The following RXRA variants were observed in gnomAD, a reference collection of about 807,000 sequenced individuals.
The protein encoded by RXRA is retinoic acid receptor RXR-alpha.
Under a neutral mutation model 44.5 loss-of-function variants are expected in RXRA, and 5 were observed. The ratio of observed to expected loss-of-function variants is 0.11; its 90% CI spans 0.06 to 0.24. RXRA has a LOEUF of 0.24. RXRA is among the 10% of genes least tolerant of loss of function. RXRA has a pLI of 1.00. For synonymous variants in RXRA, 291 were observed against 271.4 expected, an observed-to-expected ratio of 1.07 and a Z score of -0.71; for missense variants, 412 against 646.5, an observed-to-expected ratio of 0.64 and a Z score of 3.93.
At chr9:134,427,454 C>G (rs959641221) in intron 6 of RXRA, among the ~76,000 whole-genome samples, 2 of 152,220 alleles carry the variant, frequency 1.3e-5, no homozygotes, top group African/African-American at 4.8e-5. Flanking sequence ...TCAGACCGCC[C>G]GTGGTGCCGT....
At chr9:134,335,046 T>C (rs1170298531) in intron 1 of RXRA, among the ~76,000 whole-genome samples, 1 of 152,156 alleles carries the variant, frequency 6.6e-6, no homozygotes, top group Non-Finnish European at 1.5e-5. Context: ...CCTTCTCTCT[T>C]TGGGCACTGA....
chr9:134,330,772 G>C (rs782135400), intron 1 of RXRA, among the ~76,000 whole-genome samples: 2 of 152,210 alleles, frequency 1.3e-5, no homozygotes, highest in Non-Finnish European at 2.9e-5. Context: ...TTCTGTCCTC[G>C]CTGCCTGCCT....
chr9:134,407,518 G>A lies in RXRA; in HGVS notation c.280-631G>A, dbSNP rs560762774. ...GTGAGTTTCCCACGCTTGCCCGGGC[G>A]GCAGCGTGCGGGCCGGCGGGTGGGG... On this transcript the variant is annotated intron_variant, in intron 2 of 9. Coordinates refer to ENST00000481739, the MANE Select transcript of RXRA (RefSeq NM_002957.6). The surrounding 1 kb of genome is among the most constrained non-coding windows in gnomAD (Gnocchi z 4.8). Among the ~76,000 whole-genome samples, 48 of 152,352 alleles carry A rather than the reference G, an allele frequency of 3.2e-4. No homozygotes were observed. The highest frequency in any genetic ancestry group is 4.4e-4 in the Non-Finnish European group (30 of 68,026).
intron 1 of RXRA, among the ~76,000 whole-genome samples, chr9:134,384,541 G>A (rs1830691314): frequency 6.6e-6 from 1 of 152,188 alleles, no homozygotes; most frequent in Admixed American, 6.5e-5. Context: ...GTGAGACCCA[G>A]GAGGGAAGGG....
chr9:134,366,765 G>T lies in RXRA; in HGVS notation c.29-34867G>T, dbSNP rs1305641103. On this transcript the variant is annotated intron_variant, in intron 1 of 9. Coordinates refer to ENST00000481739, the MANE Select transcript of RXRA (RefSeq NM_002957.6). The surrounding 1 kb of genome is among the most constrained non-coding windows in gnomAD (Gnocchi z 5.9). Reference sequence around the variant, plus strand: ...GACTCTCCACGGAAAAGGAAGCCTGGCACCCCCCATGTTTCACGTAGGCCA... The same window carrying T: ...GACTCTCCACGGAAAAGGAAGCCTGTCACCCCCCATGTTTCACGTAGGCCA... 2.6e-5 allele frequency among the ~76,000 whole-genome samples: 4 copies of T among 152,176 alleles called. No individual in the cohort carries two copies. Among genetic ancestry groups the T allele is most frequent in the Non-Finnish European group, 5.9e-5 (4 of 68,024 alleles).
At position 134,379,683 on chromosome 9, in the gene RXRA, C is replaced by T. The variant is rs1830612483; in HGVS notation, c.29-21949C>T. On this transcript the variant is annotated intron_variant, in intron 1 of 9. Transcript: ENST00000481739. Reference sequence around the variant, plus strand: ...CGGTCCTGGGAGGTAGCAGGACAGCCCCAGTATGCGGATGAGAAAACCTGA... The same window carrying T: ...CGGTCCTGGGAGGTAGCAGGACAGCTCCAGTATGCGGATGAGAAAACCTGA... The T allele has an allele frequency of 5.1e-6, 5 of 985,324 alleles. No homozygotes were observed. The African/African-American group carries it at 5.2e-5, about 10-fold the overall frequency. 61.0% of individuals were successfully genotyped at this position (985,324 alleles called of 1,614,324 possible). A position where few individuals can be genotyped will look rare whatever the true frequency, so the allele number is the denominator to read the frequency against.
rs1359646739 is a variant in RXRA at position 134,366,948 on chromosome 9, G to C, written c.29-34684G>C. Among the ~76,000 whole-genome samples the C allele has an allele frequency of 1.3e-5, 2 of 152,066 alleles. No individual in the cohort carries two copies. The highest frequency in any genetic ancestry group is 4.8e-5 in the African/African-American group (2 of 41,394). On this transcript the variant is annotated intron_variant, in intron 1 of 9. Transcript: ENST00000481739. This position sits in a 1 kb window ranked among gnomAD's most constrained non-coding sequence, Gnocchi z 5.9. ...CTGGGAGAAGGGGCTGGTGGTTCCCGGGCCTGCACATCCCCACCCCTGCCC... is the reference window on the plus strand; with the variant it reads ...CTGGGAGAAGGGGCTGGTGGTTCCCCGGCCTGCACATCCCCACCCCTGCCC...
At chr9:134,422,348 C>G (rs756822280) in intron 6 of RXRA, 1 of 1,276,922 alleles carries the variant, frequency 7.8e-7, no homozygotes, top group East Asian at 5.8e-5. Context: ...TACCCCCTCC[C>G]GGGACACACT....
At position 134,434,106 on chromosome 9, in the gene RXRA, C is replaced by T. The variant is rs1455167018; in HGVS notation, c.1140C>T (p.Ser380=). Residue 380 remains serine (S), a synonymous_variant, in exon 9 of 10, where the codon TCC becomes TCT. Coordinates refer to ENST00000481739, the MANE Select transcript of RXRA (RefSeq NM_002957.6). ...LRAIVLFNPD[S]KGLSNPAEVE... ...CCTGTGGCTTCTTCCTTTCAGACTC[C>T]AAGGGGCTCTCGAACCCGGCCGAGG... 1 of 1,613,194 alleles carries T rather than the reference C, an allele frequency of 6.2e-7. No homozygotes were observed.
chr9:134,437,025 T>A lies in RXRA; in HGVS notation c.*411T>A, dbSNP rs529703108. Reference sequence around the variant, plus strand: ...GATGCTGGTTTTCAGAATTCCTGTGTGGCCCTCCTGTCTGGAGTGACATCT... The same window carrying A: ...GATGCTGGTTTTCAGAATTCCTGTGAGGCCCTCCTGTCTGGAGTGACATCT... On this transcript the variant is annotated 3_prime_UTR_variant, in exon 10 of 10. Coordinates refer to ENST00000481739, the MANE Select transcript of RXRA (RefSeq NM_002957.6). 31 of 206,056 alleles carry A rather than the reference T, an allele frequency of 1.5e-4. 2 individuals are homozygous for A. The South Asian group carries it at 2.1e-3, about 14-fold the overall frequency. The allele number at this position is 206,056 out of a possible 1,614,324, so 12.8% of individuals were successfully genotyped here. A position where few individuals can be genotyped will look rare whatever the true frequency, so the allele number is the denominator to read the frequency against.
intron 6 of RXRA, chr9:134,424,666 G>C (rs1234446477): frequency 2.5e-5 from 25 of 985,334 alleles, no homozygotes; most frequent in Middle Eastern, 5.2e-4. Context: ...TGAAGCACAC[G>C]TCCAATTCAG....
chr9:134,330,002 C>T (rs1289124734), intron 1 of RXRA, among the ~76,000 whole-genome samples: 11 of 152,112 alleles, frequency 7.2e-5, no homozygotes, highest in African/African-American at 2.4e-4. Context: ...GGTGTGGGGG[C>T]GGGGTGAAAG....
intron 1 of RXRA, among the ~76,000 whole-genome samples, chr9:134,362,791 A>C (rs1830368340): frequency 6.6e-6 from 1 of 152,186 alleles, no homozygotes; most frequent in Non-Finnish European, 1.5e-5. Context: ...GTCAGCTCCC[A>C]GCTGGAGTGA....
intron 4 of RXRA, among the ~76,000 whole-genome samples, chr9:134,412,251 T>C (rs1249730193): frequency 6.6e-6 from 1 of 152,232 alleles, no homozygotes; most frequent in Non-Finnish European, 1.5e-5. Flanking sequence ...CTCTGGGGAC[T>C]GAGCCCTCCT....
rs867903612 is a variant in RXRA, at chr9:134,363,017, G to A, written c.28+36358G>A. ...TGTTAATTTGGGGAGAGTGTGGACG[G>A]TTGCAAAACAGGACCCCTTTCTCTT... is the stretch of plus-strand genomic sequence containing the variant. On this transcript the variant is annotated intron_variant, in intron 1 of 9. Transcript: ENST00000481739. Among the ~76,000 whole-genome samples the A allele has an allele frequency of 2.6e-5, 4 of 152,344 alleles. No individual in the cohort carries two copies. In the South Asian group the frequency reaches 8.3e-4, roughly 32 times the overall value.
intron 1 of RXRA, chr9:134,374,215 G>T (rs930137869): frequency 3.1e-4 from 48 of 152,444 alleles, no homozygotes; most frequent in African/African-American, 1.1e-3. Flanking sequence ...ACCCAGCCGA[G>T]AGCGATGCAG....
At chr9:134,347,559 G>T (rs1443944857) in intron 1 of RXRA, among the ~76,000 whole-genome samples, 4 of 152,214 alleles carry the variant, frequency 2.6e-5, no homozygotes, top group Non-Finnish European at 4.4e-5. Flanking sequence ...GCACAAGGCT[G>T]GGGGAGGACG....
intron 1 of RXRA, among the ~76,000 whole-genome samples, chr9:134,332,333 C>CT (rs1293568497): frequency 1.3e-5 from 2 of 152,186 alleles, no homozygotes; most frequent in Non-Finnish European, 2.9e-5. Context: ...GGGCACAGTT[C>CT]TTTCTGAGGT....
chr9:134,359,182 G>A (rs955262007), intron 1 of RXRA, among the ~76,000 whole-genome samples: 2 of 152,102 alleles, frequency 1.3e-5, no homozygotes, highest in African/African-American at 4.8e-5. Flanking sequence ...CTGAGGGCAC[G>A]GAGAGTGAGA....
Sources: gnomAD v4.1 joint callset for allele counts (sites outside exome capture counted in the v4.1 genomes callset) on GRCh38, gnomAD v4.1.1 for gene constraint, Gnocchi (gnomAD v3.1) non-coding constraint, MANE v1.5 for transcripts, NCBI Gene and HGNC (gene_info 2026-07-23, HGNC 2026-07-21) for gene names.